The following SAXO1 variants were observed in gnomAD, a reference collection of about 807,000 sequenced individuals.
SAXO1 encodes the protein stabilizer of axonemal microtubules 1.
A neutral mutation model predicts 17.5 loss-of-function variants in SAXO1; 21 were observed. The observed-to-expected ratio is 1.20, with a 90% CI of 0.85 to 1.72. SAXO1 has a LOEUF of 1.72. Among genes scored for constraint, SAXO1 ranks in the 40% most tolerant of loss-of-function variants. SAXO1 has a pLI of 0.00. For synonymous variants in SAXO1, 274 were observed against 216.5 expected, an observed-to-expected ratio of 1.27 and a Z score of -2.33; for missense variants, 843 against 596.0, an observed-to-expected ratio of 1.41 and a Z score of -4.32.
chr9:19,041,778 T>C (rs934069327), intron 1 of SAXO1, among the ~76,000 whole-genome samples: 1 of 152,174 alleles, frequency 6.6e-6, no homozygotes, highest in Non-Finnish European at 1.5e-5. Flanking sequence ...TCTCTTGCCA[T>C]ATACAAAAAT....
intron 3 of SAXO1, among the ~76,000 whole-genome samples, chr9:18,938,622 A>G (rs1414598986): frequency 1.3e-5 from 2 of 152,084 alleles, no homozygotes; most frequent in African/African-American, 4.8e-5. Flanking sequence ...ACAATTCAAC[A>G]TGAGATTTCA....
At chr9:19,047,271 A>C (rs925071132) in intron 1 of SAXO1, among the ~76,000 whole-genome samples, 1 of 152,040 alleles carries the variant, frequency 6.6e-6, no homozygotes, top group Non-Finnish European at 1.5e-5. Context: ...GGCTGAAGCA[A>C]GAGAATCTCT....
In SAXO1 at chr9:18,932,730, G is replaced by C. The variant is rs557056096; in HGVS notation, c.422-3675C>G. Reference sequence around the variant, plus strand: ...TCCCAGCAATCGTTGGTAGCTTTCAGCATGCAAGACTTACACTTGCTTTTT... The same window carrying C: ...TCCCAGCAATCGTTGGTAGCTTTCACCATGCAAGACTTACACTTGCTTTTT... On this transcript the variant is annotated intron_variant, in intron 3 of 3. Transcript: ENST00000380534. 5.3e-5 allele frequency among the ~76,000 whole-genome samples: 8 copies of C among 152,290 alleles called. No individual in the cohort carries two copies. In the East Asian group the frequency reaches 9.6e-4, roughly 18 times the overall value.
intron 1 of SAXO1, among the ~76,000 whole-genome samples, chr9:18,963,252 T>C (rs1416174774): frequency 2.0e-5 from 3 of 152,204 alleles, no homozygotes; most frequent in Non-Finnish European, 4.4e-5. Flanking sequence ...AGCTTTGTTC[T>C]TTTTGCTTAG....
intron 2 of SAXO1, among the ~76,000 whole-genome samples, chr9:18,947,424 C>T (rs1831845235): frequency 6.6e-6 from 1 of 152,158 alleles, no homozygotes. Flanking sequence ...CTGCCGTCTG[C>T]CTTTCAGCCA....
At chr9:18,978,653 G>A (rs1381582956) in intron 1 of SAXO1, among the ~76,000 whole-genome samples, 1 of 152,170 alleles carries the variant, frequency 6.6e-6, no homozygotes, top group African/African-American at 2.4e-5. Context: ...ATAATTGCCC[G>A]TTATTGCATT....
At chr9:18,952,907 A>C (rs576699183) in intron 1 of SAXO1, among the ~76,000 whole-genome samples, 2 of 152,332 alleles carry the variant, frequency 1.3e-5, no homozygotes, top group South Asian at 2.1e-4. Context: ...TTGGCAAATA[A>C]ATTGAGAACT....
upstream of SAXO1, among the ~76,000 whole-genome samples, chr9:19,035,894 G>A (rs1035362041): frequency 6.6e-6 from 1 of 152,196 alleles, no homozygotes; most frequent in African/African-American, 2.4e-5. Context: ...TGACTTGGGT[G>A]CTGTTAAAGG....
intron 1 of SAXO1, among the ~76,000 whole-genome samples, chr9:18,992,234 G>A (rs1275463005): frequency 1.3e-5 from 2 of 152,200 alleles, no homozygotes; most frequent in Non-Finnish European, 2.9e-5. Context: ...AGTTCTAGGG[G>A]CTAGAAGTCA....
chr9:18,954,796 A>G (rs1433998015), intron 1 of SAXO1, among the ~76,000 whole-genome samples: 2 of 152,168 alleles, frequency 1.3e-5, no homozygotes, highest in Non-Finnish European at 2.9e-5. Flanking sequence ...GACTAGGTAC[A>G]TTTCCTGACA....
chr9:18,975,129 A>G (rs1295465786), intron 1 of SAXO1, among the ~76,000 whole-genome samples: 1 of 152,214 alleles, frequency 6.6e-6, no homozygotes, highest in African/African-American at 2.4e-5. Flanking sequence ...AAGAGGCAAG[A>G]GATTTCCAGG....
At chr9:18,987,621 T>A (rs919497601) in intron 1 of SAXO1, among the ~76,000 whole-genome samples, 8 of 152,190 alleles carry the variant, frequency 5.3e-5, no homozygotes, top group South Asian at 4.1e-4. Flanking sequence ...TCCTTGGGCC[T>A]GGTATGGTAG....
At chr9:19,048,742 G>C (rs1836281215) in intron 1 of SAXO1, among the ~76,000 whole-genome samples, 1 of 152,188 alleles carries the variant, frequency 6.6e-6, no homozygotes, top group Non-Finnish European at 1.5e-5. Flanking sequence ...TTGAAAATAG[G>C]GTTATTAATT....
At chr9:19,004,709 G>T (rs1418872049) in intron 1 of SAXO1, among the ~76,000 whole-genome samples, 1 of 152,108 alleles carries the variant, frequency 6.6e-6, no homozygotes, top group Admixed American at 6.6e-5. Flanking sequence ...CACCCTGGGG[G>T]CCTGTTGTGG....
At chr9:19,016,061 T>A (rs892113969) in intron 1 of SAXO1, among the ~76,000 whole-genome samples, 8 of 152,168 alleles carry the variant, frequency 5.3e-5, no homozygotes, top group African/African-American at 1.9e-4. Context: ...AAGGGCACCA[T>A]CATGAGAAAA....
chr9:18,979,847 T>C (rs1833299044), intron 1 of SAXO1, among the ~76,000 whole-genome samples: 1 of 152,180 alleles, frequency 6.6e-6, no homozygotes, highest in Non-Finnish European at 1.5e-5. Flanking sequence ...TTTTTCTTTT[T>C]TTAAAAAGAG....
intron 1 of SAXO1, among the ~76,000 whole-genome samples, chr9:19,015,742 T>G (rs758576877): frequency 6.6e-6 from 1 of 151,774 alleles, no homozygotes; most frequent in Non-Finnish European, 1.5e-5. Context: ...GCCTCCCAAG[T>G]TGCTGGGATT....
rs1830847893 is a variant in SAXO1, at chr9:18,928,190, G to A, written c.1287C>T (p.Gly429=). 6.2e-7 allele frequency: 1 copy of A among 1,614,190 alleles called. No individual in the cohort carries two copies. Among genetic ancestry groups the A allele is most frequent in the African/African-American group, 1.3e-5 (1 of 75,030 alleles). The part of the protein sequence containing the change: ...RCLASYPEPP[G]YTFEEVDALG... ...AAGCATCCACTTCCTCAAAGGTGTA[G>A]CCAGGAGGCTCAGGATATGAAGCTA... The change falls in exon 4 of 4, where the codon GGC becomes GGT. Residue 429 remains glycine (G), a synonymous_variant. Transcript: ENST00000380534.
intron 1 of SAXO1, among the ~76,000 whole-genome samples, chr9:18,994,319 G>A (rs966384531): frequency 1.3e-5 from 2 of 152,294 alleles, no homozygotes; most frequent in Admixed American, 6.5e-5. Flanking sequence ...TGCCATGTAC[G>A]TAAAAGATGG....
Sources: allele counts gnomAD v4.1 joint callset (sites outside exome capture counted in the v4.1 genomes callset), GRCh38; gene constraint gnomAD v4.1.1; transcripts MANE v1.5; gene names NCBI Gene and HGNC (gene_info 2026-07-23, HGNC 2026-07-21).